Variants in SEMA5B observed in about 807,000 individuals in gnomAD.
SEMA5B encodes the protein semaphorin 5B.
SEMA5B carries 66 observed loss-of-function variants against 135.0 expected under a neutral mutation model. The ratio of observed to expected loss-of-function variants is 0.49; its 90% CI spans 0.40 to 0.60. The LOEUF is 0.60. Among genes scored for constraint, SEMA5B ranks in the 20% least tolerant of loss-of-function variants. The probability of loss-of-function intolerance (pLI) is 0.00; values close to 1 mark genes in which losing one functional copy is unlikely to be tolerated. For missense variants in SEMA5B, 1,501 were observed against 1,566.3 expected, an observed-to-expected ratio of 0.96 and a Z score of 0.70; for synonymous variants, 690 against 639.5, an observed-to-expected ratio of 1.08 and a Z score of -1.19.
At chr3:123,015,702 A>C (rs776929180) in intron 1 of SEMA5B, among the ~76,000 whole-genome samples, 70 of 152,294 alleles carry the variant, frequency 4.6e-4, no homozygotes, top group Non-Finnish European at 8.5e-4. Context: ...TATATTAGGC[A>C]TTGTCACCCA....
At chr3:122,966,244 T>C (rs968545486) in intron 1 of SEMA5B, among the ~76,000 whole-genome samples, 6 of 152,220 alleles carry the variant, frequency 3.9e-5, no homozygotes, top group African/African-American at 1.4e-4. Flanking sequence ...CCACTTCCTT[T>C]TTCAGCCTCC....
intron 12 of SEMA5B, among the ~76,000 whole-genome samples, chr3:122,916,732 C>T (rs138880698): frequency 6.6e-6 from 1 of 152,278 alleles, no homozygotes; most frequent in East Asian, 1.9e-4. Context: ...CACCTGGGTA[C>T]TGTCCATGGT....
rs529557152 is a variant in SEMA5B, at chr3:122,976,523, GT to G, written c.-38-15223del. 1.2e-3 allele frequency among the ~76,000 whole-genome samples: 182 copies of G among 152,232 alleles called. 1 individual carries two copies. Among genetic ancestry groups the G allele is most frequent in the African/African-American group, 4.1e-3 (171 of 41,538 alleles). ...TCTGGGGTTGGGCCTGTGCATCCAT[GT>G]TTTTTTGTCTCCCAACATTTTATTA... is the stretch of plus-strand genomic sequence containing the variant. On this transcript the variant is annotated intron_variant, in intron 1 of 22. Transcript: ENST00000357599.
intron 5 of SEMA5B, 72 bp downstream of exon 5, chr3:122,939,353 A>G: frequency 8.1e-7 from 1 of 1,227,832 alleles, no homozygotes; most frequent in Non-Finnish European, 1.2e-6. Context: ...GAATGGCGCC[A>G]CTTGCGTTGC....
chr3:122,936,266 C>T (rs934254461), intron 5 of SEMA5B, among the ~76,000 whole-genome samples: 7 of 152,168 alleles, frequency 4.6e-5, no homozygotes, highest in African/African-American at 7.2e-5. Context: ...GGACGTGGAT[C>T]ATCTCCATGA....
At position 122,972,949 on chromosome 3, in the gene SEMA5B, C is replaced by T. The variant is rs562710509; in HGVS notation, c.-38-11648G>A. ...AACACTCTTATTCCCCAAGTCAAGC[C>T]GTGATGGCTCACACTGGATAAGGTC... On this transcript the variant is annotated intron_variant, in intron 1 of 22. Transcript: ENST00000357599. Among the ~76,000 whole-genome samples, 5 of 152,300 alleles carry T rather than the reference C, an allele frequency of 3.3e-5. No individual in the cohort carries two copies. In the South Asian group the frequency reaches 8.3e-4, roughly 25 times the overall value.
intron 1 of SEMA5B, among the ~76,000 whole-genome samples, chr3:123,019,955 G>A (rs1477188777): frequency 1.3e-5 from 2 of 152,228 alleles, no homozygotes; most frequent in African/African-American, 4.8e-5. Flanking sequence ...TCAGCGCGAA[G>A]CCTCAGAGGA....
chr3:122,912,704 T>TG, intron 18 of SEMA5B, 139 bp downstream of exon 18: 1 of 828,050 alleles, frequency 1.2e-6, no homozygotes, highest in South Asian at 1.9e-5. Context: ...AAATTTGCTC[T>TG]GGGGGTCCCT....
chr3:123,012,922 T>C (rs1252917195), intron 1 of SEMA5B, among the ~76,000 whole-genome samples: 1 of 152,220 alleles, frequency 6.6e-6, no homozygotes, highest in African/African-American at 2.4e-5. Context: ...TAGGACTTCA[T>C]GGAAGGTGCC....
At chr3:122,912,438 C>T in intron 18 of SEMA5B, 96 bp from the exon 19 acceptor site, 3 of 1,183,986 alleles carry the variant, frequency 2.5e-6, no homozygotes, top group Middle Eastern at 5.6e-4. Flanking sequence ...TGCCCTGAGC[C>T]ACAGTGACCT....
intron 1 of SEMA5B, among the ~76,000 whole-genome samples, chr3:123,015,738 G>A (rs1464507999): frequency 3.9e-5 from 6 of 152,154 alleles, no homozygotes; most frequent in Admixed American, 2.6e-4. Flanking sequence ...CGTCTCATGG[G>A]CACCTGAGCT....
intron 1 of SEMA5B, among the ~76,000 whole-genome samples, chr3:122,970,956 T>C (rs72970588): frequency 6.6e-6 from 1 of 152,138 alleles, no homozygotes; most frequent in African/African-American, 2.4e-5. Context: ...ATCAGGGGCA[T>C]TTCACAGGAA....
intron 1 of SEMA5B, among the ~76,000 whole-genome samples, chr3:122,985,936 T>G (rs1442744199): frequency 2.6e-5 from 4 of 152,202 alleles, no homozygotes; most frequent in Admixed American, 6.5e-5. Flanking sequence ...TTTTCAGGAC[T>G]CTGGGAAGAT....
chr3:122,937,940 C>T (rs1341156642), intron 5 of SEMA5B, among the ~76,000 whole-genome samples: 1 of 152,200 alleles, frequency 6.6e-6, no homozygotes, highest in East Asian at 1.9e-4. Flanking sequence ...ACTGGCTTCC[C>T]CCAGGCCCTG....
chr3:122,940,477 C>T (rs1274755613), intron 4 of SEMA5B, among the ~76,000 whole-genome samples: 1 of 152,200 alleles, frequency 6.6e-6, no homozygotes, highest in Non-Finnish European at 1.5e-5. Flanking sequence ...TTGATTTCCC[C>T]CACCAATTTT....
chr3:123,012,844 T>C (rs560709066), intron 1 of SEMA5B, among the ~76,000 whole-genome samples: 1 of 152,304 alleles, frequency 6.6e-6, no homozygotes, highest in Admixed American at 6.5e-5. Flanking sequence ...TCAGCTGTAG[T>C]CTAACTGATG....
chr3:122,959,501 A>C (rs891033472), intron 2 of SEMA5B, among the ~76,000 whole-genome samples: 3 of 152,252 alleles, frequency 2.0e-5, no homozygotes, highest in Non-Finnish European at 4.4e-5. Flanking sequence ...ATGGTCTATA[A>C]TCTTCTGTAT....
At chr3:123,005,490 G>A (rs960853370) in intron 1 of SEMA5B, among the ~76,000 whole-genome samples, 1 of 152,100 alleles carries the variant, frequency 6.6e-6, no homozygotes, top group Non-Finnish European at 1.5e-5. Flanking sequence ...GCCTTCCAAA[G>A]TGCTGTGACT....
intron 1 of SEMA5B, among the ~76,000 whole-genome samples, chr3:123,003,110 T>G (rs139432043): frequency 1.8e-3 from 274 of 152,092 alleles, no homozygotes; most frequent in African/African-American, 6.3e-3. Context: ...TTAAGTTTTT[T>G]GAATGTCCAG....
Sources: allele counts gnomAD v4.1 joint callset (sites outside exome capture counted in the v4.1 genomes callset), GRCh38; gene constraint gnomAD v4.1.1; transcripts MANE v1.5; gene names NCBI Gene and HGNC (gene_info 2026-07-23, HGNC 2026-07-21).